Variants in VEGFC observed in about 807,000 individuals in gnomAD.
VEGFC encodes the protein vascular endothelial growth factor C, also known as FLT4 ligand DHM.
VEGFC carries 12 observed loss-of-function variants against 46.1 expected under a neutral mutation model. The ratio of observed to expected loss-of-function variants is 0.26; its 90% confidence interval spans 0.17 to 0.42. VEGFC has a LOEUF of 0.42. VEGFC is among the 10% of genes least tolerant of loss of function. VEGFC has a pLI of 1.00. For synonymous variants in VEGFC, 232 were observed against 195.5 expected (o/e 1.19, Z -1.56); for missense variants, 488 against 529.4 (o/e 0.92, Z 0.77).
At chr4:176,752,212 G>A (rs978151393) in intron 1 of VEGFC, among the ~76,000 whole-genome samples, 5 of 151,864 alleles carry the variant, frequency 3.3e-5, no homozygotes, top group Non-Finnish European at 2.9e-5. Context: ...AGTTCTTTAC[G>A]ATTTTAAAGC....
intron 3 of VEGFC, among the ~76,000 whole-genome samples, chr4:176,712,905 G>T (rs1734641124): frequency 6.6e-6 from 1 of 152,152 alleles, no homozygotes; most frequent in Non-Finnish European, 1.5e-5. Flanking sequence ...TGCTTTAGAA[G>T]AAATAGGTAC....
chr4:176,783,733 C>T (rs1735952004), intron 1 of VEGFC, among the ~76,000 whole-genome samples: 1 of 152,120 alleles, frequency 6.6e-6, no homozygotes, highest in Non-Finnish European at 1.5e-5. Flanking sequence ...ATATTATAGG[C>T]AGAACTACAG....
intron 4 of VEGFC, among the ~76,000 whole-genome samples, chr4:176,690,375 T>C (rs978458205): frequency 6.6e-6 from 1 of 152,040 alleles, no homozygotes; most frequent in Admixed American, 6.6e-5. Flanking sequence ...GGTATCTTCT[T>C]GCCAAAAAAT....
chr4:176,687,592 A>G, intron 5 of VEGFC, 72 bp from the exon 6 acceptor site: 1 of 1,373,690 alleles, frequency 7.3e-7, no homozygotes. Flanking sequence ...AAAAGCTTTT[A>G]AAAGCATCTT....
At chr4:176,709,192 T>A (rs1265332756) in intron 4 of VEGFC, among the ~76,000 whole-genome samples, 1 of 152,230 alleles carries the variant, frequency 6.6e-6, no homozygotes, top group African/African-American at 2.4e-5. Flanking sequence ...GTACATTATT[T>A]AGCCAACAGC....
chr4:176,775,875 C>T (rs749199546), intron 1 of VEGFC, among the ~76,000 whole-genome samples: 5 of 152,016 alleles, frequency 3.3e-5, no homozygotes, highest in Admixed American at 6.6e-5. Flanking sequence ...GTCATTCCCA[C>T]GCTATTAACA....
chr4:176,770,892 T>C (rs1198295436), intron 1 of VEGFC, among the ~76,000 whole-genome samples: 1 of 151,792 alleles, frequency 6.6e-6, no homozygotes, highest in African/African-American at 2.4e-5. Flanking sequence ...ACCTTTGAGA[T>C]ACCCATGAGA....
At chr4:176,790,429 C>A (rs557427624) in intron 1 of VEGFC, among the ~76,000 whole-genome samples, 1 of 152,206 alleles carries the variant, frequency 6.6e-6, no homozygotes, top group African/African-American at 2.4e-5. Flanking sequence ...TTTGCCATAT[C>A]ACCAATGGCA....
intron 1 of VEGFC, among the ~76,000 whole-genome samples, chr4:176,731,287 G>A (rs1411413005): frequency 6.6e-6 from 1 of 151,970 alleles, no homozygotes; most frequent in Non-Finnish European, 1.5e-5. Flanking sequence ...AAACTCAAAA[G>A]TGTTTCAGAA....
intron 1 of VEGFC, among the ~76,000 whole-genome samples, chr4:176,752,912 T>C (rs1385494427): frequency 1.2e-4 from 19 of 152,050 alleles, no homozygotes; most frequent in Admixed American, 1.2e-3. Context: ...TATAATCAGA[T>C]GTTATTTTAA....
intron 2 of VEGFC, 75 bp downstream of exon 2, chr4:176,729,458 A>AG: frequency 8.8e-7 from 1 of 1,134,238 alleles, no homozygotes; most frequent in Non-Finnish European, 1.2e-6. Context: ...AAACACTGAA[A>AG]TTAAAGAACC....
intron 1 of VEGFC, among the ~76,000 whole-genome samples, chr4:176,768,351 T>C (rs957499786): frequency 1.3e-5 from 2 of 151,492 alleles, no homozygotes; most frequent in African/African-American, 4.8e-5. Context: ...CACTTCGACA[T>C]TAAAAGTTCA....
intron 1 of VEGFC, among the ~76,000 whole-genome samples, chr4:176,780,402 C>CAAAAAAAAAAAAAAA (rs1323099026): frequency 8.9e-6 from 1 of 112,934 alleles, no homozygotes; most frequent in East Asian, 2.2e-4. Flanking sequence ...AAAAAAAACT[C>CAAAAAAAAAAAAAAA]CTTCTAACCC....
intron 4 of VEGFC, among the ~76,000 whole-genome samples, chr4:176,693,982 C>T (rs999358360): frequency 1.8e-4 from 27 of 151,544 alleles, no homozygotes; most frequent in Non-Finnish European, 3.5e-4. Context: ...GAAGGAAGCG[C>T]TAAATATGGA....
chr4:176,722,729 A>G (rs1734810068), intron 3 of VEGFC, among the ~76,000 whole-genome samples: 1 of 151,900 alleles, frequency 6.6e-6, no homozygotes, highest in African/African-American at 2.4e-5. Flanking sequence ...CCAATTCCTA[A>G]GCTCAAGAGA....
Position 176,707,662 on chromosome 4 carries a change from C to T in VEGFC, c.704+3837G>A, listed in dbSNP as rs75077887. On this transcript the variant is annotated intron_variant, in intron 4 of 6. Transcript: ENST00000618562. ...TCAATGATTTTTGGCTCTCCAAAACCCAAGAAAATAATATTCCTTAATACT... is the reference window on the plus strand; with the variant it reads ...TCAATGATTTTTGGCTCTCCAAAACTCAAGAAAATAATATTCCTTAATACT... Among the ~76,000 whole-genome samples, 1,012 of 152,116 alleles carry T rather than the reference C, an allele frequency of 6.7e-3. 6 individuals are homozygous for T. Among genetic ancestry groups the T allele is most frequent in the African/African-American group, 0.023 (958 of 41,502 alleles).
At chr4:176,739,423 C>T (rs549742053) in intron 1 of VEGFC, among the ~76,000 whole-genome samples, 68 of 151,978 alleles carry the variant, frequency 4.5e-4, no homozygotes, top group African/African-American at 1.6e-3. Flanking sequence ...TAAAAAGGAA[C>T]GAGATCATGT....
intron 1 of VEGFC, among the ~76,000 whole-genome samples, chr4:176,779,304 AC>A (rs1735868148): frequency 6.6e-6 from 1 of 152,190 alleles, no homozygotes; most frequent in South Asian, 2.1e-4. Context: ...TATAAGTAAT[AC>A]AAGGTGGTAT....
rs745976763 is a variant in VEGFC, at chr4:176,740,689, G to A, written c.148-10943C>T. On this transcript the variant is annotated intron_variant, in intron 1 of 6. Transcript: ENST00000618562. ...AATAACTTATTTTAGATTTGCCATC[G>A]TCATTTATACTATTCAGAAGAAAAC... Among the ~76,000 whole-genome samples, 18 of 150,876 alleles carry A rather than the reference G, an allele frequency of 1.2e-4. No individual in the cohort carries two copies. In the East Asian group the frequency reaches 1.6e-3, roughly 13 times the overall value.
Sources: allele counts gnomAD v4.1 joint callset (sites outside exome capture counted in the v4.1 genomes callset), GRCh38; gene constraint gnomAD v4.1.1; transcripts MANE v1.5; gene names NCBI Gene and HGNC (gene_info 2026-07-23, HGNC 2026-07-21).